Variants in STK32C observed in about 807,000 individuals in gnomAD.
The protein encoded by STK32C is serine/threonine kinase 32C.
STK32C carries 31 observed loss-of-function variants against 56.5 expected under a neutral mutation model. The ratio of observed to expected loss-of-function variants is 0.55; its 90% CI spans 0.41 to 0.74. The LOEUF is 0.74. STK32C is among the 30% of genes least tolerant of loss of function. STK32C has a pLI of 0.00. For missense variants in STK32C, 544 were observed against 676.9 expected (o/e 0.80, Z 2.18); for synonymous variants, 309 against 289.4 (o/e 1.07, Z -0.69).
At chr10:132,296,981 A>G (rs1455735866) in intron 1 of STK32C, among the ~76,000 whole-genome samples, 3 of 152,230 alleles carry the variant, frequency 2.0e-5, no homozygotes, top group African/African-American at 7.2e-5. Flanking sequence ...AGGGAGGCGG[A>G]CATCGCCACA....
At chr10:132,220,679 A>G (rs2062609391) in intron 10 of STK32C, among the ~76,000 whole-genome samples, 1 of 152,206 alleles carries the variant, frequency 6.6e-6, no homozygotes, top group Non-Finnish European at 1.5e-5. Flanking sequence ...CACGAGTTTT[A>G]AGGGAAACAT....
At chr10:132,210,610 G>A (rs767154663) in intron 10 of STK32C, among the ~76,000 whole-genome samples, 6 of 152,226 alleles carry the variant, frequency 3.9e-5, no homozygotes, top group Admixed American at 3.3e-4. Flanking sequence ...GTAAACCCAC[G>A]AACAGAGTGT....
At chr10:132,259,470 T>C (rs1422990156) in intron 1 of STK32C, among the ~76,000 whole-genome samples, 2 of 151,322 alleles carry the variant, frequency 1.3e-5, no homozygotes, top group Non-Finnish European at 2.9e-5. Flanking sequence ...TGGAGGAGGG[T>C]CCTGGTGGGA....
chr10:132,321,450 G>A (rs2066406203), downstream of STK32C, among the ~76,000 whole-genome samples: 1 of 152,190 alleles, frequency 6.6e-6, no homozygotes, highest in Admixed American at 6.5e-5. Context: ...CAATGTCTAA[G>A]ATGACCCAAG....
downstream of STK32C, among the ~76,000 whole-genome samples, chr10:132,320,379 T>C (rs6560690): frequency 0.92 from 139,766 of 151,892 alleles, 64,487 homozygotes; most frequent in East Asian, 1. Flanking sequence ...GCGGTGACTG[T>C]GGGTTTTAAA....
chr10:132,281,005 C>A (rs1248469916), intron 1 of STK32C, among the ~76,000 whole-genome samples: 1 of 149,596 alleles, frequency 6.7e-6, no homozygotes, highest in Non-Finnish European at 1.5e-5. Context: ...TCCGTGATCA[C>A]GCCCCTGCAC....
intron 1 of STK32C, chr10:132,249,228 T>G (rs1280131213): frequency 1.6e-4 from 49 of 309,940 alleles, no homozygotes; most frequent in Admixed American, 2.1e-4. Flanking sequence ...GTGCTGGGAG[T>G]GGGGCTGAGG....
At chr10:132,324,467 G>T (rs1042518831) in intron 1 of STK32C, 9 of 659,260 alleles carry the variant, frequency 1.4e-5, no homozygotes, top group East Asian at 2.7e-5. Context: ...TATGATGATT[G>T]GTTTAGCAGG....
intron 1 of STK32C, among the ~76,000 whole-genome samples, chr10:132,265,524 G>T (rs776746393): frequency 3.3e-5 from 5 of 152,176 alleles, no homozygotes; most frequent in African/African-American, 4.8e-5. Context: ...GAGAGGACAC[G>T]GTGCAGAGAG....
In STK32C at chr10:132,225,221, G is replaced by C; in HGVS notation, c.876+12C>G. The C allele has an allele frequency of 6.3e-7, 1 of 1,589,008 alleles. No individual in the cohort carries two copies. The highest frequency in any genetic ancestry group is 2.3e-5 in the East Asian group (1 of 44,112). On this transcript the variant is annotated intron_variant, in intron 7 of 11. Transcript: ENST00000298630. ...CTGGCAGCCAAGCCCAGGGGCTGCA[G>C]GGGGTCCATACCCATCCTCGCAGCA...
At chr10:132,284,628 C>A (rs1286590007) in intron 1 of STK32C, among the ~76,000 whole-genome samples, 1 of 152,160 alleles carries the variant, frequency 6.6e-6, no homozygotes, top group Non-Finnish European at 1.5e-5. Flanking sequence ...CAGGCATGAA[C>A]CCAGAACACA....
At chr10:132,326,022 T>C (rs1370449883) in intron 1 of STK32C, among the ~76,000 whole-genome samples, 6 of 151,828 alleles carry the variant, frequency 4.0e-5, no homozygotes, top group African/African-American at 1.5e-4. Context: ...CGCTGGCCGG[T>C]ATGTCTTTAT....
intron 2 of STK32C, among the ~76,000 whole-genome samples, chr10:132,241,899 G>A (rs188031798): frequency 4.6e-5 from 7 of 152,272 alleles, no homozygotes; most frequent in East Asian, 3.9e-4. Flanking sequence ...TTGAGGTCAC[G>A]AGTTTGAGAC....
chr10:132,278,708 C>T (rs905333722), intron 1 of STK32C, among the ~76,000 whole-genome samples: 2 of 146,246 alleles, frequency 1.4e-5, no homozygotes, highest in Non-Finnish European at 3.0e-5. Context: ...TGCAGTGAGC[C>T]GAGATCGCGC....
chr10:132,227,867 C>G, intron 3 of STK32C, 110 bp downstream of exon 3: 1 of 1,371,814 alleles, frequency 7.3e-7, no homozygotes, highest in Non-Finnish European at 9.9e-7. Flanking sequence ...GTGGCAGAGG[C>G]ATCTCCGAGG....
chr10:132,263,880 A>T (rs2064397030), intron 1 of STK32C, among the ~76,000 whole-genome samples: 3 of 151,930 alleles, frequency 2.0e-5, no homozygotes, highest in African/African-American at 7.3e-5. Context: ...AAAAAAAAAA[A>T]AAAAGTTGGG....
chr10:132,313,419 G>C (rs2066257009), intron 1 of STK32C, among the ~76,000 whole-genome samples: 1 of 152,208 alleles, frequency 6.6e-6, no homozygotes, highest in African/African-American at 2.4e-5. Flanking sequence ...CCAAGCACCT[G>C]CTCCATGCTA....
intron 1 of STK32C, among the ~76,000 whole-genome samples, chr10:132,297,381 C>T (rs1482376591): frequency 1.3e-5 from 2 of 152,178 alleles, no homozygotes; most frequent in Admixed American, 1.3e-4. Flanking sequence ...CCTGGTTAGC[C>T]CACCCTGGGT....
intron 2 of STK32C, among the ~76,000 whole-genome samples, chr10:132,231,037 G>GC (rs1406796915): frequency 6.6e-6 from 1 of 152,136 alleles, no homozygotes; most frequent in African/African-American, 2.4e-5. Flanking sequence ...TCACCCTCCT[G>GC]CCAGACAGGC....
Sources: allele counts gnomAD v4.1 joint callset (sites outside exome capture counted in the v4.1 genomes callset), GRCh38; gene constraint gnomAD v4.1.1; transcripts MANE v1.5; gene names NCBI Gene and HGNC (gene_info 2026-07-23, HGNC 2026-07-21).